MSRA: variants seen among roughly 807,000 people sequenced by gnomAD.
MSRA encodes the protein methionine sulfoxide reductase A, also known as mitochondrial peptide methionine sulfoxide reductase.
A neutral mutation model predicts 31.3 loss-of-function variants in MSRA; 54 were observed. The ratio of observed to expected loss-of-function variants is 1.73; its 90% confidence interval spans 1.39 to 2.17. The LOEUF (loss-of-function observed/expected upper bound fraction) is 2.17. Ranked by LOEUF, MSRA falls within the 30% of genes most tolerant of loss-of-function variation. The pLI is 0.00. For synonymous variants in MSRA, 169 were observed against 116.5 expected (o/e 1.45, Z -2.90); for missense variants, 507 against 300.9 (o/e 1.69, Z -5.07).
intron 3 of MSRA, among the ~76,000 whole-genome samples, chr8:10,252,213 T>A (rs1357685268): frequency 1.3e-5 from 2 of 152,086 alleles, no homozygotes; most frequent in African/African-American, 4.8e-5. Context: ...ATTAGAAGGG[T>A]TGAAAATGTG....
At chr8:10,108,883 C>T (rs1163827269) in intron 1 of MSRA, among the ~76,000 whole-genome samples, 1 of 152,160 alleles carries the variant, frequency 6.6e-6, no homozygotes, top group Non-Finnish European at 1.5e-5. Context: ...TGCCTGGCTG[C>T]CAATGTAGGC....
chr8:10,079,138 C>T (rs973611826), intron 1 of MSRA, among the ~76,000 whole-genome samples: 30 of 152,106 alleles, frequency 2.0e-4, no homozygotes, highest in Non-Finnish European at 3.4e-4. Flanking sequence ...GAGATAGCAC[C>T]TGGCTCAGCA....
intron 3 of MSRA, among the ~76,000 whole-genome samples, chr8:10,253,057 G>A (rs1301062436): frequency 6.6e-6 from 1 of 152,318 alleles, no homozygotes; most frequent in Non-Finnish European, 1.5e-5. Context: ...TCCAGCATTA[G>A]ACATCAGAGA....
intron 5 of MSRA, chr8:10,353,516 G>C: frequency 2.3e-6 from 1 of 436,788 alleles, no homozygotes; most frequent in South Asian, 1.7e-5. Context: ...TGTGTTAGCA[G>C]TTGGTCCCCT....
intron 5 of MSRA, among the ~76,000 whole-genome samples, chr8:10,377,459 G>A (rs1585625197): frequency 6.6e-6 from 1 of 152,220 alleles, no homozygotes; most frequent in South Asian, 2.1e-4. Flanking sequence ...CTGCTAGAAG[G>A]CAGAGCTTCT....
rs137905578 is a variant in MSRA, at chr8:10,256,445, T to G, written c.331+11222T>G. Among the ~76,000 whole-genome samples, 908 of 152,302 alleles carry G rather than the reference T, an allele frequency of 6.0e-3. 9 individuals carry two copies. The highest frequency in any genetic ancestry group is 0.041 in the Middle Eastern group (12 of 294). Reference sequence around the variant, plus strand: ...CTGCTGTCAACATAGGAAACTGGTTTTAAACGTTCAGTAGAGATTAATGCA... The same window carrying G: ...CTGCTGTCAACATAGGAAACTGGTTGTAAACGTTCAGTAGAGATTAATGCA... On this transcript the variant is annotated intron_variant, in intron 3 of 5. Transcript: ENST00000317173.
intron 3 of MSRA, among the ~76,000 whole-genome samples, chr8:10,285,737 T>C (rs902068337): frequency 1.3e-5 from 2 of 152,088 alleles, no homozygotes; most frequent in African/African-American, 4.8e-5. Flanking sequence ...AGAGAGAACA[T>C]GCGGTATTTA....
chr8:10,203,792 C>T (rs1808711531), intron 1 of MSRA, among the ~76,000 whole-genome samples: 1 of 152,094 alleles, frequency 6.6e-6, no homozygotes, highest in African/African-American at 2.4e-5. Context: ...CAGAAGGAGA[C>T]ATTGTTACCA....
At chr8:10,380,428 G>T (rs1286845832) in intron 5 of MSRA, among the ~76,000 whole-genome samples, 1 of 152,192 alleles carries the variant, frequency 6.6e-6, no homozygotes, top group Admixed American at 6.5e-5. Flanking sequence ...GTTTTTGAGA[G>T]CATCATTGCA....
intron 5 of MSRA, among the ~76,000 whole-genome samples, chr8:10,426,479 G>A (rs1809172228): frequency 6.6e-6 from 1 of 152,248 alleles, no homozygotes; most frequent in Admixed American, 6.5e-5. Context: ...AGAGTCTTGG[G>A]TCTGCTTCCT....
At chr8:10,418,815 TAAAA>T (rs71203323) in intron 5 of MSRA, among the ~76,000 whole-genome samples, 11 of 66,036 alleles carry the variant, frequency 1.7e-4, no homozygotes, top group South Asian at 9.3e-4. Flanking sequence ...TTACTACGAC[TAAAA>T]AAAAAAAAAA....
intron 1 of MSRA, among the ~76,000 whole-genome samples, chr8:10,162,252 G>C (rs1432178379): frequency 3.3e-5 from 5 of 152,108 alleles, no homozygotes; most frequent in Non-Finnish European, 5.9e-5. Context: ...TCAAGGCTTT[G>C]GGAGTCTGGT....
intron 2 of MSRA, among the ~76,000 whole-genome samples, chr8:10,230,724 G>C (rs1157158164): frequency 6.6e-6 from 1 of 152,158 alleles, no homozygotes; most frequent in African/African-American, 2.4e-5. Context: ...TGTAATCTTA[G>C]TCAGTAAGAT....
At chr8:10,313,259 A>G (rs1801534442) in intron 4 of MSRA, among the ~76,000 whole-genome samples, 3 of 152,162 alleles carry the variant, frequency 2.0e-5, no homozygotes, top group South Asian at 2.1e-4. Context: ...GCCAAGGGAA[A>G]CCTTTGAAGC....
chr8:10,098,977 A>G (rs1799358549), intron 1 of MSRA, among the ~76,000 whole-genome samples: 1 of 152,216 alleles, frequency 6.6e-6, no homozygotes, highest in African/African-American at 2.4e-5. Flanking sequence ...GGAGGAAGAT[A>G]AGGCCCCTCC....
At chr8:10,140,053 G>T (rs780429274) in intron 1 of MSRA, among the ~76,000 whole-genome samples, 45 of 152,224 alleles carry the variant, frequency 3.0e-4, no homozygotes, top group Non-Finnish European at 5.6e-4. Flanking sequence ...CCGAAATGAA[G>T]AGCGAGGGAA....
intron 5 of MSRA, among the ~76,000 whole-genome samples, chr8:10,406,141 C>T (rs1040595774): frequency 6.6e-6 from 1 of 152,260 alleles, no homozygotes; most frequent in Non-Finnish European, 1.5e-5. Context: ...GTATCCGACT[C>T]CCAGGCTCAC....
intron 1 of MSRA, among the ~76,000 whole-genome samples, chr8:10,106,638 A>G (rs1799901883): frequency 2.0e-5 from 3 of 152,196 alleles, no homozygotes; most frequent in South Asian, 4.1e-4. Context: ...GTTAGTAGCA[A>G]TGCTAGAGTT....
intron 1 of MSRA, among the ~76,000 whole-genome samples, chr8:10,113,651 G>C (rs898693157): frequency 1.3e-5 from 2 of 151,964 alleles, no homozygotes; most frequent in Non-Finnish European, 2.9e-5. Flanking sequence ...TGAGAAATGT[G>C]GGAGGCTGGT....
Sources: gnomAD v4.1 joint callset for allele counts (sites outside exome capture counted in the v4.1 genomes callset) on GRCh38, gnomAD v4.1.1 for gene constraint, MANE v1.5 for transcripts, NCBI Gene and HGNC (gene_info 2026-07-23, HGNC 2026-07-21) for gene names.